ATF6: variants seen among roughly 807,000 people sequenced by gnomAD.
The protein encoded by ATF6 is activating transcription factor 6.
Under a neutral mutation model 83.6 loss-of-function variants are expected in ATF6, and 53 were observed. The ratio of observed to expected loss-of-function variants is 0.63; its 90% CI spans 0.51 to 0.80. The LOEUF is 0.80. ATF6 is among the 30% of genes least tolerant of loss of function. The probability of loss-of-function intolerance (pLI) is 0.00; values close to 1 mark genes in which losing one functional copy is unlikely to be tolerated. For synonymous variants in ATF6, 288 were observed against 285.8 expected, an observed-to-expected ratio of 1.01 and a Z score of -0.08; for missense variants, 744 against 797.9, an observed-to-expected ratio of 0.93 and a Z score of 0.81.
rs559613384 is a variant in ATF6, at chr1:161,786,212, T to G, written c.354+2116T>G. ...GTTGGCCAGGCTGGTCTCGAACTTCTGACCTCAGGTTATCCACCTGCCTCG... is the reference window on the plus strand; with the variant it reads ...GTTGGCCAGGCTGGTCTCGAACTTCGGACCTCAGGTTATCCACCTGCCTCG... On this transcript the variant is annotated intron_variant, in intron 4 of 15. Transcript: ENST00000367942. Among the ~76,000 whole-genome samples, 21 of 152,336 alleles carry G rather than the reference T, an allele frequency of 1.4e-4. No individual in the cohort carries two copies. The East Asian group carries it at 4.0e-3, about 29-fold the overall frequency.
chr1:161,839,431 C>T (rs957546061), intron 9 of ATF6, among the ~76,000 whole-genome samples: 9 of 152,076 alleles, frequency 5.9e-5, no homozygotes, highest in African/African-American at 1.7e-4. Flanking sequence ...AATGCAATCA[C>T]GGCTCACTCA....
intron 14 of ATF6, chr1:161,890,862 G>A (rs1464325432): frequency 6.6e-6 from 1 of 152,444 alleles, no homozygotes; most frequent in Non-Finnish European, 1.5e-5. Context: ...TGGCGGCGGC[G>A]AGGCCCAAGC....
At chr1:161,802,012 G>T in intron 6 of ATF6, 40 bp from the exon 7 acceptor site, 1 of 1,601,700 alleles carries the variant, frequency 6.2e-7, no homozygotes, top group Non-Finnish European at 8.5e-7. Context: ...TGCCACAGTA[G>T]TTGTGTACCC....
intron 9 of ATF6, among the ~76,000 whole-genome samples, chr1:161,826,708 A>G (rs1685909014): frequency 1.3e-5 from 2 of 152,194 alleles, no homozygotes; most frequent in African/African-American, 4.8e-5. Context: ...TTAACAAGTC[A>G]GAATATCTTT....
At chr1:161,829,333 A>G (rs547758941) in intron 9 of ATF6, among the ~76,000 whole-genome samples, 4 of 151,804 alleles carry the variant, frequency 2.6e-5, no homozygotes, top group Admixed American at 6.6e-5. Flanking sequence ...CCCACTGTCA[A>G]CATTAGACAG....
chr1:161,887,669 T>A (rs1687455517), intron 14 of ATF6, among the ~76,000 whole-genome samples: 2 of 152,216 alleles, frequency 1.3e-5, no homozygotes, highest in African/African-American at 4.8e-5. Flanking sequence ...TGTGATATAA[T>A]ATGTTGCTTA....
chr1:161,922,913 G>GT (rs1300306068), intron 15 of ATF6, among the ~76,000 whole-genome samples: 1 of 152,224 alleles, frequency 6.6e-6, no homozygotes, highest in East Asian at 1.9e-4. Flanking sequence ...GTGCTGAGGA[G>GT]TTTGAGGTGG....
chr1:161,791,683 G>A, intron 5 of ATF6, 146 bp downstream of exon 5: 2 of 855,878 alleles, frequency 2.3e-6, no homozygotes, highest in Non-Finnish European at 3.4e-6. Context: ...TTTGTTGTGA[G>A]TGATTACCGT....
At chr1:161,812,265 AGT>A (rs1685484690) in intron 7 of ATF6, among the ~76,000 whole-genome samples, 1 of 134,116 alleles carries the variant, frequency 7.5e-6, no homozygotes, top group Non-Finnish European at 1.5e-5. Context: ...CTGCTTCTTT[AGT>A]GATTAAATAA....
chr1:161,946,260 G>T (rs1688745775), intron 15 of ATF6, among the ~76,000 whole-genome samples: 1 of 152,192 alleles, frequency 6.6e-6, no homozygotes, highest in Non-Finnish European at 1.5e-5. Context: ...CTCCCGAAGT[G>T]CTGGGATTGC....
At position 161,821,501 on chromosome 1, in the gene ATF6, C is replaced by T. The variant is rs564742384; in HGVS notation, c.1187+340C>T. 9.2e-5 allele frequency among the ~76,000 whole-genome samples: 14 copies of T among 152,104 alleles called. No individual in the cohort carries two copies. The East Asian group carries it at 1.2e-3, about 13-fold the overall frequency. On this transcript the variant is annotated intron_variant, in intron 9 of 15. Coordinates refer to ENST00000367942, the MANE Select transcript of ATF6 (RefSeq NM_007348.4). ...GACTGAGTTATAAGGGAGATACCTA[C>T]GAAGGAAGCTGAACATTGAACTGTA...
intron 15 of ATF6, among the ~76,000 whole-genome samples, chr1:161,938,309 C>T (rs1275718799): frequency 6.6e-6 from 1 of 152,148 alleles, no homozygotes; most frequent in Non-Finnish European, 1.5e-5. Context: ...GCGTTTTGGA[C>T]TCACATAACT....
intron 13 of ATF6, among the ~76,000 whole-genome samples, chr1:161,860,865 A>G (rs182183427): frequency 2.0e-5 from 3 of 152,288 alleles, no homozygotes; most frequent in Non-Finnish European, 4.4e-5. Flanking sequence ...TTCAAAGAGA[A>G]TGCTGTATCT....
chr1:161,837,979 A>C (rs936446476), intron 9 of ATF6, among the ~76,000 whole-genome samples: 4 of 152,214 alleles, frequency 2.6e-5, no homozygotes, highest in African/African-American at 9.7e-5. Flanking sequence ...TCAGAATCAC[A>C]ATCTGCCTCT....
At chr1:161,773,595 A>G (rs1236184969) in intron 1 of ATF6, among the ~76,000 whole-genome samples, 2 of 152,128 alleles carry the variant, frequency 1.3e-5, no homozygotes, top group Non-Finnish European at 2.9e-5. Context: ...GGCACTACTG[A>G]TTTCCACATT....
chr1:161,916,105 A>G (rs1688095276), intron 15 of ATF6, among the ~76,000 whole-genome samples: 1 of 152,152 alleles, frequency 6.6e-6, no homozygotes, highest in African/African-American at 2.4e-5. Context: ...CACTTCATGA[A>G]ATGCTCTTGC....
rs114979116 is a variant in ATF6 at position 161,850,478 on chromosome 1, A to G, written c.1320-1244A>G. 2.4e-3 allele frequency among the ~76,000 whole-genome samples: 361 copies of G among 152,264 alleles called. 1 individual carries two copies. Among genetic ancestry groups the G allele is most frequent in the Middle Eastern group, 0.01 (3 of 294 alleles). On this transcript the variant is annotated intron_variant, in intron 10 of 15. Transcript: ENST00000367942. ...TCGGACCATTTTATCTAAAGTATAT[A>G]CTACCATTGCTTTTCCATTTCAACC... is the stretch of plus-strand genomic sequence containing the variant.
intron 15 of ATF6, among the ~76,000 whole-genome samples, chr1:161,934,335 C>T (rs181584548): frequency 5.2e-3 from 792 of 152,254 alleles, no homozygotes; most frequent in Non-Finnish European, 9.0e-3. Flanking sequence ...AAAGAATTAG[C>T]AGGAAATGGT....
At chr1:161,905,401 A>G (rs978113675) in intron 14 of ATF6, among the ~76,000 whole-genome samples, 2 of 152,104 alleles carry the variant, frequency 1.3e-5, no homozygotes, top group Non-Finnish European at 2.9e-5. Flanking sequence ...TTTCCTAATA[A>G]CTTTTCTCAG....
Sources: gnomAD v4.1 joint callset for allele counts (sites outside exome capture counted in the v4.1 genomes callset) on GRCh38, gnomAD v4.1.1 for gene constraint, MANE v1.5 for transcripts, NCBI Gene and HGNC (gene_info 2026-07-23, HGNC 2026-07-21) for gene names.